ANK3: variants seen among roughly 807,000 people sequenced by gnomAD.
ANK3 encodes ankyrin 3.
In ANK3, 57 loss-of-function variants were observed where a neutral mutation model predicts 370.9. That is an observed-to-expected ratio of 0.15 (90% CI 0.12 to 0.19). The LOEUF is 0.19. Among genes scored for constraint, ANK3 ranks in the 10% least tolerant of loss-of-function variants. The pLI is 1.00. For missense variants in ANK3, 4,439 were observed against 5,302.1 expected (o/e 0.84, Z 5.06); for synonymous variants, 1,929 against 1,946.3 (o/e 0.99, Z 0.23).
At chr10:60,137,039 G>T (rs2094375080) in intron 24 of ANK3, among the ~76,000 whole-genome samples, 1 of 151,912 alleles carries the variant, frequency 6.6e-6, no homozygotes. Context: ...TTCACATCAG[G>T]ACTTTTTCTG....
intron 1 of ANK3, among the ~76,000 whole-genome samples, chr10:60,297,839 T>C (rs1304739338): frequency 6.6e-6 from 1 of 152,128 alleles, no homozygotes; most frequent in Non-Finnish European, 1.5e-5. Context: ...ACAAACACTA[T>C]AATAGTCTCA....
At chr10:60,684,410 G>A (rs1160997488) in intron 1 of ANK3, 1 of 693,910 alleles carries the variant, frequency 1.4e-6, no homozygotes, top group African/African-American at 1.8e-5. Context: ...GGGAAGGATG[G>A]TTAGTCAATC....
intron 1 of ANK3, among the ~76,000 whole-genome samples, chr10:60,306,341 A>G (rs995942002): frequency 3.9e-5 from 6 of 152,000 alleles, no homozygotes; most frequent in Non-Finnish European, 8.8e-5. Context: ...TTCACTTACA[A>G]TAATGGCCTC....
chr10:60,051,868 C>G (rs1036743936), intron 42 of ANK3, among the ~76,000 whole-genome samples: 1 of 151,622 alleles, frequency 6.6e-6, no homozygotes, highest in African/African-American at 2.4e-5. Context: ...TTTTTGGCAG[C>G]AGAAACTACA....
chr10:60,598,340 T>C (rs1005315254), intron 2 of ANK3, among the ~76,000 whole-genome samples: 1 of 152,220 alleles, frequency 6.6e-6, no homozygotes, highest in Non-Finnish European at 1.5e-5. Flanking sequence ...ATATTTCCCT[T>C]CTCTTTAACT....
chr10:60,535,930 TA>T (rs34500562), intron 2 of ANK3, among the ~76,000 whole-genome samples: 14 of 148,728 alleles, frequency 9.4e-5, no homozygotes, highest in Non-Finnish European at 7.5e-5. Flanking sequence ...AACCTCCAGC[TA>T]AAAAAAAAAA....
chr10:60,397,327 T>C (rs956601907), intron 2 of ANK3, among the ~76,000 whole-genome samples: 13 of 152,092 alleles, frequency 8.5e-5, no homozygotes, highest in African/African-American at 2.9e-4. Flanking sequence ...GAAATTTAAG[T>C]CTAACAAAAA....
chr10:60,675,013 A>T (rs927764742), intron 1 of ANK3, among the ~76,000 whole-genome samples: 2 of 152,220 alleles, frequency 1.3e-5, no homozygotes, highest in Non-Finnish European at 2.9e-5. Context: ...GGCCAGAACC[A>T]CATTTGCATT....
intron 25 of ANK3, among the ~76,000 whole-genome samples, chr10:60,123,682 T>C (rs1221125077): frequency 6.6e-6 from 1 of 152,232 alleles, no homozygotes; most frequent in Non-Finnish European, 1.5e-5. Context: ...AATTAACTGG[T>C]AGCCTTGACA....
intron 1 of ANK3, among the ~76,000 whole-genome samples, chr10:60,288,180 C>T (rs1455260186): frequency 6.6e-6 from 1 of 152,142 alleles, no homozygotes. Context: ...ACCAACCCTC[C>T]TCACTTTCCC....
intron 8 of ANK3, among the ~76,000 whole-genome samples, chr10:60,222,435 AAG>A (rs1046346454): frequency 6.6e-6 from 1 of 151,656 alleles, no homozygotes; most frequent in Non-Finnish European, 1.5e-5. Context: ...AAAAAAAAAA[AAG>A]AGGAGGAAAA....
intron 7 of ANK3, among the ~76,000 whole-genome samples, chr10:60,258,810 CTACTG>C (rs67393969): frequency 0.08 from 12,233 of 152,194 alleles, 657 homozygotes; most frequent in Middle Eastern, 0.19. Flanking sequence ...CTTCCACTCC[CTACTG>C]TATTTTGTCA....
At chr10:60,214,687 G>A (rs2132463747) in intron 8 of ANK3, among the ~76,000 whole-genome samples, 1 of 152,264 alleles carries the variant, frequency 6.6e-6, no homozygotes, top group East Asian at 1.9e-4. Flanking sequence ...CGAAGGACAT[G>A]ATCTCATTCT....
chr10:60,457,875 G>A (rs912775337), intron 2 of ANK3, among the ~76,000 whole-genome samples: 12 of 151,976 alleles, frequency 7.9e-5, no homozygotes, highest in African/African-American at 2.9e-4. Flanking sequence ...TGCAGTGGGC[G>A]GTAGTGTAGT....
intron 9 of ANK3, among the ~76,000 whole-genome samples, chr10:60,210,466 G>C (rs555040637): frequency 1.3e-5 from 2 of 152,086 alleles, no homozygotes; most frequent in Non-Finnish European, 2.9e-5. Flanking sequence ...ATTCTAGGAA[G>C]TAAAAGAAGG....
At chr10:60,179,414 G>A (rs2096076463) in intron 18 of ANK3, among the ~76,000 whole-genome samples, 1 of 152,214 alleles carries the variant, frequency 6.6e-6, no homozygotes, top group Non-Finnish European at 1.5e-5. Flanking sequence ...TGACTACGTG[G>A]CCGGGAACGG....
chr10:60,466,561 C>G (rs2065017096), intron 2 of ANK3, among the ~76,000 whole-genome samples: 1 of 152,138 alleles, frequency 6.6e-6, no homozygotes. Context: ...CCATTCCACT[C>G]TAAGATATAT....
chr10:60,251,211 T>C (rs2097659279), intron 7 of ANK3, among the ~76,000 whole-genome samples: 1 of 152,212 alleles, frequency 6.6e-6, no homozygotes, highest in Non-Finnish European at 1.5e-5. Flanking sequence ...TTCCACCTCG[T>C]ATTTCAAAGT....
At chr10:60,563,830 G>A (rs2077396907) in intron 2 of ANK3, among the ~76,000 whole-genome samples, 1 of 152,008 alleles carries the variant, frequency 6.6e-6, no homozygotes, top group Admixed American at 6.6e-5. Flanking sequence ...ATAATAAAAA[G>A]CTTGAAGAAA....
Sources: allele counts gnomAD v4.1 joint callset (sites outside exome capture counted in the v4.1 genomes callset), GRCh38; gene constraint gnomAD v4.1.1; transcripts MANE v1.5; gene names NCBI Gene and HGNC (gene_info 2026-07-23, HGNC 2026-07-21).